Variants in TPCN2 observed in about 807,000 individuals in gnomAD.
TPCN2 encodes two pore segment channel 2, also known as two pore channel protein 2.
TPCN2 carries 92 observed loss-of-function variants against 111.4 expected under a neutral mutation model. The ratio of observed to expected loss-of-function variants is 0.83; its 90% CI spans 0.70 to 0.98. The LOEUF (loss-of-function observed/expected upper bound fraction) is 0.98. TPCN2 is among the 50% of genes least tolerant of loss of function. The pLI is 0.00. For missense variants in TPCN2, 995 were observed against 980.1 expected (o/e 1.02, Z -0.20); for synonymous variants, 405 against 414.5 (o/e 0.98, Z 0.28).
rs1855879131 is a variant in TPCN2, at chr11:69,078,414, A to G, written c.1231-68A>G. ...TCAAATCCCAGAATAAGAGGGTGTG[A>G]GCATTTTTGGGCTGCAACAGCCACG... On this transcript the variant is annotated intron_variant, in intron 13 of 24. Coordinates refer to ENST00000294309, the MANE Select transcript of TPCN2 (RefSeq NM_139075.4). The G allele has an allele frequency of 1.0e-5, 16 of 1,595,470 alleles. No individual in the cohort carries two copies. The East Asian group carries it at 3.6e-4, about 36-fold the overall frequency.
chr11:69,063,383 T>C (rs1869448), intron 6 of TPCN2, among the ~76,000 whole-genome samples: 151,741 of 152,010 alleles, frequency 1, 75,738 homozygotes, highest in Middle Eastern at 1. Context: ...AGCTGAGCTG[T>C]TCCTGACGAC....
chr11:69,079,205 CT>C, intron 16 of TPCN2, 185 bp downstream of exon 16: 1 of 722,446 alleles, frequency 1.4e-6, no homozygotes, highest in Non-Finnish European at 2.2e-6. Context: ...CCGGTGAGGT[CT>C]TTAGGAGGCT....
intron 2 of TPCN2, chr11:69,054,419 A>AAG (rs1488780330): frequency 3.0e-5 from 17 of 560,246 alleles, no homozygotes; most frequent in Non-Finnish European, 4.2e-5. Context: ...TTGCACAGAG[A>AAG]AGAGAGAGCC....
In TPCN2 at chr11:69,089,703, C is replaced by A. The variant is rs1856384260; in HGVS notation, c.*1750C>A. The stretch of plus-strand genomic sequence containing the variant: ...AGCTTCTCCACTGCCCAGTGAACGA[C>A]CCCTTTGTAATGAATGAGTGGGGAG... On this transcript the variant is annotated 3_prime_UTR_variant, in exon 25 of 25. Coordinates refer to ENST00000294309, the MANE Select transcript of TPCN2 (RefSeq NM_139075.4). The A allele has an allele frequency of 6.6e-6, 1 of 152,248 alleles. No individual in the cohort carries two copies. 9.4% of individuals were successfully genotyped at this position (152,248 alleles called of 1,614,324 possible).
At chr11:69,083,916 T>C (rs1274115979) in intron 18 of TPCN2, 29 bp from the exon 19 acceptor site, 1 of 1,607,854 alleles carries the variant, frequency 6.2e-7, no homozygotes, top group Admixed American at 1.7e-5. Context: ...CCAGGAGGAG[T>C]AAGGGCTGTG....
intron 16 of TPCN2, 155 bp downstream of exon 16, chr11:69,079,175 CCG>C (rs1404056254): frequency 3.0e-6 from 3 of 994,324 alleles, no homozygotes; most frequent in African/African-American, 3.3e-5. Context: ...TCCCTGCTGG[CCG>C]AGTTGCTCAG....
At chr11:69,077,850 T>G (rs1658040325) in intron 13 of TPCN2, among the ~76,000 whole-genome samples, 1 of 152,226 alleles carries the variant, frequency 6.6e-6, no homozygotes, top group Non-Finnish European at 1.5e-5. Context: ...TGTTGAATTT[T>G]GTTGCATTGA....
intron 5 of TPCN2, among the ~76,000 whole-genome samples, chr11:69,058,654 G>T (rs1390146849): frequency 6.6e-6 from 1 of 152,210 alleles, no homozygotes; most frequent in East Asian, 1.9e-4. Context: ...GCTGGAATGG[G>T]CGGCATCGCA....
intron 12 of TPCN2, 78 bp from the exon 13 acceptor site, chr11:69,072,837 T>C: frequency 6.6e-7 from 1 of 1,526,618 alleles, no homozygotes. Context: ...CAGGGTGGGG[T>C]TGGGGCTGGG....
Position 69,049,006 on chromosome 11 carries a change from A to G in TPCN2, c.9A>G (p.Glu3=). The part of the protein sequence containing the change: MA[E]PQAESEPLLG... ...AGCGCGTGGGCTGCTGGATGGCGGAACCCCAGGCGGAGTCGGAGCCCCTGC... is the reference window on the plus strand; with the variant it reads ...AGCGCGTGGGCTGCTGGATGGCGGAGCCCCAGGCGGAGTCGGAGCCCCTGC... Residue 3 remains glutamate (E), a synonymous_variant, in exon 1 of 25, where the codon GAA becomes GAG. Transcript: ENST00000294309. 1 of 1,238,850 alleles carries G rather than the reference A, an allele frequency of 8.1e-7. No homozygotes were observed. Among genetic ancestry groups the G allele is most frequent in the Non-Finnish European group, 1.0e-6 (1 of 987,836 alleles). The allele number at this position is 1,238,850 out of a possible 1,614,324, so 76.7% of individuals were successfully genotyped here.
intron 5 of TPCN2, 145 bp from the exon 6 acceptor site, chr11:69,062,739 A>C: frequency 1.4e-6 from 1 of 730,380 alleles, no homozygotes; most frequent in South Asian, 1.7e-5. Context: ...CCAGCTCTGG[A>C]GCCAGGCCCT....
chr11:69,060,192 CTTT>C (rs1305930656), intron 5 of TPCN2, among the ~76,000 whole-genome samples: 1 of 152,242 alleles, frequency 6.6e-6, no homozygotes, highest in Non-Finnish European at 1.5e-5. Context: ...GGAACATCCC[CTTT>C]CTCAGTCCAC....
intron 2 of TPCN2, 67 bp downstream of exon 2, chr11:69,054,164 C>G (rs1854639544): frequency 1.3e-5 from 18 of 1,343,078 alleles, no homozygotes; most frequent in Non-Finnish European, 1.7e-5. Flanking sequence ...CTCGCCCCTC[C>G]AGGGGCGACT....
At chr11:69,087,773 C>T in intron 24 of TPCN2, 102 bp from the exon 25 acceptor site, 4 of 850,838 alleles carry the variant, frequency 4.7e-6, no homozygotes, top group Admixed American at 2.5e-5. Flanking sequence ...CTGTGACACT[C>T]ACTTCGCATG....
chr11:69,077,449 C>T lies in TPCN2; in HGVS notation c.1231-1033C>T, dbSNP rs191761514. Among the ~76,000 whole-genome samples, 95 of 152,304 alleles carry T rather than the reference C, an allele frequency of 6.2e-4. 2 individuals carry two copies. In the South Asian group the frequency reaches 0.012, roughly 20 times the overall value. On this transcript the variant is annotated intron_variant, in intron 13 of 24. Transcript: ENST00000294309. ...CAACTCCCGTTCACTGTGGATGAGACGCTGAAAGGGACCCTGCCCGTTGTG... is the reference window on the plus strand; with the variant it reads ...CAACTCCCGTTCACTGTGGATGAGATGCTGAAAGGGACCCTGCCCGTTGTG...
chr11:69,057,579 G>T lies in TPCN2; in HGVS notation c.431G>T (p.Gly144Val), dbSNP rs778023946. The change falls in exon 5 of 25, where the codon GGT (glycine) becomes GTT (valine). Residue 144 changes from glycine (G) to valine (V), a missense_variant and splice_region_variant. Physicochemically the swap from Gly to Val is moderately radical, Grantham distance 109. Coordinates refer to ENST00000294309, the MANE Select transcript of TPCN2 (RefSeq NM_139075.4). The stretch of plus-strand genomic sequence containing the variant: ...CTCACCCGCCCGTCTATCTTGCAGG[G>T]TTACCTGTTCGGGTGGGCCCATTTC... The part of the protein sequence containing the change: ...LVFAADLSVK[G>V]YLFGWAHFQK... 1.2e-6 allele frequency: 2 copies of T among 1,613,980 alleles called. No homozygotes were observed. Among genetic ancestry groups the T allele is most frequent in the Non-Finnish European group, 1.7e-6 (2 of 1,179,948 alleles).
intron 1 of TPCN2, among the ~76,000 whole-genome samples, chr11:69,049,889 A>AT (rs955007823): frequency 6.6e-6 from 1 of 151,998 alleles, no homozygotes; most frequent in African/African-American, 2.4e-5. Flanking sequence ...CACTTCACAG[A>AT]TGAGGAAACT....
chr11:69,067,796 C>T (rs988384411), intron 8 of TPCN2, among the ~76,000 whole-genome samples, 191 bp downstream of exon 8: 2 of 152,098 alleles, frequency 1.3e-5, no homozygotes, highest in African/African-American at 4.8e-5. Flanking sequence ...TGGTTTTCTT[C>T]TCCCTCTCTC....
At chr11:69,065,021 G>T (rs1355413617) in intron 7 of TPCN2, among the ~76,000 whole-genome samples, 1 of 147,390 alleles carries the variant, frequency 6.8e-6, no homozygotes, top group Non-Finnish European at 1.5e-5. Flanking sequence ...CATGGTGTCT[G>T]TATGTCTGTG....
Sources: allele counts gnomAD v4.1 joint callset (sites outside exome capture counted in the v4.1 genomes callset), GRCh38; gene constraint gnomAD v4.1.1; transcripts MANE v1.5; gene names NCBI Gene and HGNC (gene_info 2026-07-23, HGNC 2026-07-21).